MMP21: variants seen among roughly 807,000 people sequenced by gnomAD.
MMP21 encodes the protein matrix metallopeptidase 21.
A neutral mutation model predicts 47.8 loss-of-function variants in MMP21; 40 were observed. That is an observed-to-expected ratio of 0.84 (90% CI 0.65 to 1.09). The LOEUF is 1.09. Ranked by LOEUF, MMP21 falls within the 50% of genes least tolerant of loss-of-function variation. MMP21 has a pLI of 0.00. For synonymous variants in MMP21, 341 were observed against 318.0 expected (o/e 1.07, Z -0.77); for missense variants, 747 against 775.3 (o/e 0.96, Z 0.43).
At chr10:125,769,788 T>G (rs1266417887) in intron 5 of MMP21, among the ~76,000 whole-genome samples, 1 of 152,106 alleles carries the variant, frequency 6.6e-6, no homozygotes, top group Non-Finnish European at 1.5e-5. Flanking sequence ...TTTCTTACAG[T>G]TTTTTGGCAG....
At chr10:125,775,598 C>A (rs1264540172) in intron 1 of MMP21, 62 bp downstream of exon 1, 1 of 1,511,644 alleles carries the variant, frequency 6.6e-7, no homozygotes, top group Admixed American at 2.1e-5. Context: ...CGCGCGTGCG[C>A]ATGTGCCTGT....
chr10:125,770,292 C>A, intron 5 of MMP21, 42 bp downstream of exon 5: 1 of 1,603,116 alleles, frequency 6.2e-7, no homozygotes, highest in Non-Finnish European at 8.5e-7. Context: ...TGAGTGCATT[C>A]GTTTAATGAG....
rs377642777 is a variant in MMP21, at chr10:125,767,564, G to A, written c.1378C>T (p.Gln460Ter). The A allele has an allele frequency of 2.5e-5, 41 of 1,614,174 alleles. No homozygotes were observed. The highest frequency in any genetic ancestry group is 3.4e-5 in the Non-Finnish European group (40 of 1,180,020). ...TCCTTGAAGAAGTAAATTAACTTCT[G>A]TCTTCGGTCATAAAACGCCGTGTCT... ...PLDTAFYDRRQKLIYFFKESL... is the reference protein window; with the variant it reads ...PLDTAFYDRR Residue 460 changes from glutamine to a stop codon, truncating the protein, a stop_gained, in exon 6 of 7, where the codon CAG becomes TAG. Transcript: ENST00000368808. LOFTEE classifies it low-confidence loss of function (END_TRUNC).
In MMP21 at chr10:125,772,068, A is replaced by G; in HGVS notation, c.979+150T>C. ...TTTAACTGAGAGAATGGCATCAGGGAGCTAGAGGGTGGCTACCCTTGGGTG... is the reference window on the plus strand; with the variant it reads ...TTTAACTGAGAGAATGGCATCAGGGGGCTAGAGGGTGGCTACCCTTGGGTG... On this transcript the variant is annotated intron_variant, in intron 4 of 6. Coordinates refer to ENST00000368808, the MANE Select transcript of MMP21 (RefSeq NM_147191.1). The surrounding 1 kb of genome is among the most constrained non-coding windows in gnomAD (Gnocchi z 5.6). 1 of 858,656 alleles carries G rather than the reference A, an allele frequency of 1.2e-6. No individual in the cohort carries two copies. Among genetic ancestry groups the G allele is most frequent in the Non-Finnish European group, 1.8e-6 (1 of 552,778 alleles). 53.2% of individuals were successfully genotyped at this position (858,656 alleles called of 1,614,324 possible). A position where few individuals can be genotyped will look rare whatever the true frequency, so the allele number is the denominator to read the frequency against.
chr10:125,774,131 G>A lies in MMP21; in HGVS notation c.397C>T (p.Pro133Ser), dbSNP rs1183900623. ...RPPPPSAPPSPPGPPPRARSR... is the reference protein window; with the variant it reads ...RPPPPSAPPSSPGPPPRARSR... ...CGGGCTCTGGGGGGCGGGCCCGGGG[G>A]CGAAGGCGGGGCGGAGGGGGGCGGT... Residue 133 changes from proline to serine, a missense_variant, in exon 2 of 7, where the codon CCC (proline) becomes TCC (serine). Physicochemically the swap from Pro to Ser is moderately conservative, Grantham distance 74. Coordinates refer to ENST00000368808, the MANE Select transcript of MMP21 (RefSeq NM_147191.1). 3.1e-6 allele frequency: 4 copies of A among 1,296,084 alleles called. No individual in the cohort carries two copies. The highest frequency in any genetic ancestry group is 1.6e-5 in the African/African-American group (1 of 64,152). The allele number at this position is 1,296,084 out of a possible 1,614,324, so 80.3% of individuals were successfully genotyped here. A position where few individuals can be genotyped will look rare whatever the true frequency, so the allele number is the denominator to read the frequency against.
chr10:125,773,748 T>G lies in MMP21; in HGVS notation c.697+83A>C. 7.0e-7 allele frequency: 1 copy of G among 1,425,322 alleles called. No homozygotes were observed. Among genetic ancestry groups the G allele is most frequent in the Non-Finnish European group, 9.1e-7 (1 of 1,094,456 alleles). The allele number at this position is 1,425,322 out of a possible 1,614,324, so 88.3% of individuals were successfully genotyped here. ...GCCGGGAGGGCTTAGCCCCCCATTC[T>G]GCAGGTGGCCGAGGTGGGGGTAGGT... On this transcript the variant is annotated intron_variant, in intron 2 of 6. Transcript: ENST00000368808. This position sits in a 1 kb window ranked among gnomAD's most constrained non-coding sequence, Gnocchi z 4.8.
intron 4 of MMP21, among the ~76,000 whole-genome samples, chr10:125,771,082 A>G (rs1205632515): frequency 6.6e-6 from 1 of 152,094 alleles, no homozygotes; most frequent in Non-Finnish European, 1.5e-5. Flanking sequence ...TGGAGGTGCC[A>G]GGCTGCCTGC....
Position 125,774,275 on chromosome 10 carries a change from G to C in MMP21, c.253C>G (p.Leu85Val). 7.0e-7 allele frequency: 1 copy of C among 1,418,524 alleles called. No individual in the cohort carries two copies. The highest frequency in any genetic ancestry group is 9.1e-7 in the Non-Finnish European group (1 of 1,094,214). The allele number at this position is 1,418,524 out of a possible 1,614,324, so 87.9% of individuals were successfully genotyped here. A position where few individuals can be genotyped will look rare whatever the true frequency, so the allele number is the denominator to read the frequency against. The change falls in exon 2 of 7, where the codon CTG becomes GTG. Residue 85 changes from leucine (L) to valine (V), a missense_variant. Coordinates refer to ENST00000368808, the MANE Select transcript of MMP21 (RefSeq NM_147191.1). ...TGGAACCTGCGCACCGCCTCGGCCAGGGCGGCGCCCTTGGGGGTCTCCGGC... is the reference window on the plus strand; with the variant it reads ...TGGAACCTGCGCACCGCCTCGGCCACGGCGGCGCCCTTGGGGGTCTCCGGC... ...GPPETPKGAA[L>V]AEAVRRFQRA...
At position 125,770,569 on chromosome 10, in the gene MMP21, A is replaced by T; in HGVS notation, c.1002T>A (p.Asp334Glu). The T allele has an allele frequency of 6.2e-7, 1 of 1,614,192 alleles. No individual in the cohort carries two copies. The highest frequency in any genetic ancestry group is 1.7e-5 in the Admixed American group (1 of 60,032). Reference protein sequence around the residue: ...KLYGSCEGSFDTAFDWIRKER... With the variant: ...KLYGSCEGSFETAFDWIRKER... ...CTTTGCGAATCCAGTCAAACGCAGT[A>T]TCAAATGATCCCTCACAGGAGCCTT... The change falls in exon 5 of 7, where the codon GAT becomes GAA. Residue 334 changes from aspartate to glutamate, a missense_variant. Transcript: ENST00000368808.
chr10:125,767,448 G>A (rs1850398367), intron 6 of MMP21, 84 bp downstream of exon 6: 1 of 1,351,640 alleles, frequency 7.4e-7, no homozygotes, highest in Non-Finnish European at 1.0e-6. Flanking sequence ...GCCAAGTACA[G>A]CTTTTAAATA....
At chr10:125,767,418 G>A (rs1850398110) in intron 6 of MMP21, 114 bp downstream of exon 6, 1 of 1,050,542 alleles carries the variant, frequency 9.5e-7, no homozygotes, top group Non-Finnish European at 1.4e-6. Context: ...CGGGATTACA[G>A]GCATGCGCCA....
intron 5 of MMP21, among the ~76,000 whole-genome samples, chr10:125,769,737 T>C (rs896674188): frequency 2.0e-5 from 3 of 152,182 alleles, no homozygotes; most frequent in African/African-American, 2.4e-5. Context: ...TATTTTTTTT[T>C]CCCTCCAGAA....
At chr10:125,770,625 A>C in intron 4 of MMP21, 34 bp from the exon 5 acceptor site, 1 of 1,608,392 alleles carries the variant, frequency 6.2e-7, no homozygotes, top group East Asian at 2.2e-5. Flanking sequence ...GCCACTTGTC[A>C]CATACATGGT....
At chr10:125,771,753 C>T (rs1284024538) in intron 4 of MMP21, among the ~76,000 whole-genome samples, 1 of 152,118 alleles carries the variant, frequency 6.6e-6, no homozygotes, top group South Asian at 2.1e-4. Context: ...CCTTGGGCCT[C>T]GGTACTAAAT....
rs17153531 is a variant in MMP21 at position 125,770,642 on chromosome 10, C to T, written c.980-51G>A. 5.0e-6 allele frequency: 8 copies of T among 1,590,346 alleles called. No individual in the cohort carries two copies. In the African/African-American group the frequency reaches 6.8e-5, roughly 13 times the overall value. Reference sequence around the variant, plus strand: ...CACTTGTCACATACATGGTGCAAAACTTATATTTTCATATGTGACTTGAAT... The same window carrying T: ...CACTTGTCACATACATGGTGCAAAATTTATATTTTCATATGTGACTTGAAT... On this transcript the variant is annotated intron_variant, in intron 4 of 6. Coordinates refer to ENST00000368808, the MANE Select transcript of MMP21 (RefSeq NM_147191.1).
intron 6 of MMP21, 152 bp downstream of exon 6, chr10:125,767,380 G>T: frequency 1.4e-6 from 1 of 692,060 alleles, no homozygotes; most frequent in Non-Finnish European, 2.4e-6. Flanking sequence ...GGGCTTAAGC[G>T]ATCCGCCCAC....
intron 5 of MMP21, 92 bp downstream of exon 5, chr10:125,770,242 T>C (rs1309736551): frequency 7.5e-7 from 1 of 1,332,638 alleles, no homozygotes; most frequent in Non-Finnish European, 1.1e-6. Context: ...GACAAGAGCA[T>C]TACAACAGAT....
At position 125,772,664 on chromosome 10, in the gene MMP21, C is replaced by G; in HGVS notation, c.784G>C (p.Asp262His). The G allele has an allele frequency of 6.2e-7, 1 of 1,614,216 alleles. No homozygotes were observed. Among genetic ancestry groups the G allele is most frequent in the Non-Finnish European group, 8.5e-7 (1 of 1,180,038 alleles). Residue 262 changes from aspartate (D) to histidine (H), a missense_variant, in exon 3 of 7, where the codon GAC (aspartate) becomes CAC (histidine). Coordinates refer to ENST00000368808, the MANE Select transcript of MMP21 (RefSeq NM_147191.1). The surrounding 1 kb of genome is among the most constrained non-coding windows in gnomAD (Gnocchi z 5.6). ...GTGGGAGGTGTGAAGTGCTCGTCGTCGTCAAAGTGAATGTCACCTAGGCGC... is the reference window on the plus strand; with the variant it reads ...GTGGGAGGTGTGAAGTGCTCGTCGTGGTCAAAGTGAATGTCACCTAGGCGC... ...AWRLGDIHFD[D>H]DEHFTPPTSD...
rs1434829861 is a variant in MMP21 at position 125,772,350 on chromosome 10, G to A, written c.847C>T (p.His283Tyr). 6.2e-7 allele frequency: 1 copy of A among 1,614,070 alleles called. No individual in the cohort carries two copies. The highest frequency in any genetic ancestry group is 8.5e-7 in the Non-Finnish European group (1 of 1,180,018). Residue 283 changes from histidine (H) to tyrosine (Y), a missense_variant, in exon 4 of 7, where the codon CAT becomes TAT. By Grantham distance (83) the His-to-Tyr change is moderately conservative. Coordinates refer to ENST00000368808, the MANE Select transcript of MMP21 (RefSeq NM_147191.1). This position sits in a 1 kb window ranked among gnomAD's most constrained non-coding sequence, Gnocchi z 5.6. ...TGISLLKVAV[H>Y]EIGHVLGLPH... The stretch of plus-strand genomic sequence containing the variant: ...AAGCCCAGGACATGGCCAATTTCAT[G>A]GACGGCCACCTAGAAGGGGACACAC...
Sources: gnomAD v4.1 joint callset for allele counts (sites outside exome capture counted in the v4.1 genomes callset) on GRCh38, gnomAD v4.1.1 for gene constraint, Gnocchi (gnomAD v3.1) non-coding constraint, MANE v1.5 for transcripts, NCBI Gene and HGNC (gene_info 2026-07-23, HGNC 2026-07-21) for gene names.